GPR158: variants seen among roughly 807,000 people sequenced by gnomAD.
GPR158 encodes the protein metabotropic glycine receptor.
In GPR158, 30 loss-of-function variants were observed where a neutral mutation model predicts 78.2. The observed-to-expected ratio is 0.38, with a 90% confidence interval of 0.29 to 0.52. GPR158 has a LOEUF of 0.52. GPR158 is among the 20% of genes least tolerant of loss of function. The pLI, the probability that GPR158 is intolerant of heterozygous loss-of-function variation, is 0.83. For missense variants in GPR158, 1,463 were observed against 1,523.5 expected (o/e 0.96, Z 0.66); for synonymous variants, 581 against 591.1 (o/e 0.98, Z 0.25).
At chr10:25,390,846 C>T (rs1005464850) in intron 2 of GPR158, among the ~76,000 whole-genome samples, 1 of 152,198 alleles carries the variant, frequency 6.6e-6, no homozygotes, top group Non-Finnish European at 1.5e-5. Flanking sequence ...GTCTGTAGGG[C>T]ATGTCAGAGG....
intron 7 of GPR158, among the ~76,000 whole-genome samples, chr10:25,587,463 C>T (rs538391715): frequency 1.3e-5 from 2 of 152,246 alleles, no homozygotes; most frequent in African/African-American, 4.8e-5. Flanking sequence ...ATTAATACAT[C>T]TGAGAAATGA....
intron 5 of GPR158, among the ~76,000 whole-genome samples, chr10:25,509,861 G>GAC (rs1836060912): frequency 6.6e-6 from 1 of 152,122 alleles, no homozygotes; most frequent in Non-Finnish European, 1.5e-5. Context: ...CTATAAGTGT[G>GAC]TGCCACTGCA....
At chr10:25,240,456 C>T (rs58251578) in intron 2 of GPR158, among the ~76,000 whole-genome samples, 17,996 of 152,178 alleles carry the variant, frequency 0.12, 1,309 homozygotes, top group East Asian at 0.3. Context: ...TTGTAGTGAG[C>T]CTAGATCGTG....
chr10:25,510,308 A>C (rs1836068046), intron 5 of GPR158, among the ~76,000 whole-genome samples: 1 of 152,338 alleles, frequency 6.6e-6, no homozygotes, highest in South Asian at 2.1e-4. Context: ...AGTTCAAAGA[A>C]AAATAAAAAA....
intron 4 of GPR158, among the ~76,000 whole-genome samples, chr10:25,462,157 A>T (rs1234156383): frequency 6.6e-6 from 1 of 152,212 alleles, no homozygotes; most frequent in Non-Finnish European, 1.5e-5. Context: ...GCCAATGCTC[A>T]TTGACTGTTC....
chr10:25,459,797 T>G (rs926939679), intron 4 of GPR158, among the ~76,000 whole-genome samples: 5 of 152,180 alleles, frequency 3.3e-5, no homozygotes, highest in Non-Finnish European at 7.4e-5. Flanking sequence ...TTGACTTTGA[T>G]GTAATTTGAT....
At chr10:25,430,242 G>C (rs1354897953) in intron 4 of GPR158, among the ~76,000 whole-genome samples, 1 of 151,834 alleles carries the variant, frequency 6.6e-6, no homozygotes, top group Non-Finnish European at 1.5e-5. Context: ...GCCAAATCAT[G>C]AGTGAACTCC....
chr10:25,402,832 G>A (rs1347302482), intron 3 of GPR158, among the ~76,000 whole-genome samples: 2 of 151,796 alleles, frequency 1.3e-5, no homozygotes, highest in South Asian at 4.1e-4. Flanking sequence ...GCTTTGGTGG[G>A]TTAATTAGAT....
At chr10:25,436,590 T>C (rs910641463) in intron 4 of GPR158, among the ~76,000 whole-genome samples, 4 of 152,222 alleles carry the variant, frequency 2.6e-5, no homozygotes, top group African/African-American at 9.6e-5. Flanking sequence ...ATTGTCATGC[T>C]ACAGAATTTT....
At chr10:25,469,737 T>C (rs1835469990) in intron 5 of GPR158, among the ~76,000 whole-genome samples, 1 of 141,906 alleles carries the variant, frequency 7.0e-6, no homozygotes, top group Admixed American at 7.6e-5. Context: ...TGAGCCGAGA[T>C]TGTGCCACTG....
chr10:25,456,083 C>A (rs534137477), intron 4 of GPR158, among the ~76,000 whole-genome samples: 1 of 152,110 alleles, frequency 6.6e-6, no homozygotes, highest in Non-Finnish European at 1.5e-5. Context: ...ACCCTACAAC[C>A]CTTTATAGTC....
chr10:25,228,858 C>T (rs1049322907), intron 2 of GPR158, among the ~76,000 whole-genome samples: 1 of 151,600 alleles, frequency 6.6e-6, no homozygotes, highest in Non-Finnish European at 1.5e-5. Flanking sequence ...GGTGAAACCC[C>T]GTCTCTACTA....
At chr10:25,560,079 A>G (rs1836841721) in intron 6 of GPR158, among the ~76,000 whole-genome samples, 1 of 152,180 alleles carries the variant, frequency 6.6e-6, no homozygotes, top group South Asian at 2.1e-4. Context: ...TTCTACTTCA[A>G]TATTAATAAT....
intron 5 of GPR158, among the ~76,000 whole-genome samples, chr10:25,549,678 C>G (rs1836705066): frequency 6.6e-6 from 1 of 152,076 alleles, no homozygotes; most frequent in Admixed American, 6.6e-5. Flanking sequence ...TTAATTTCTC[C>G]TTAACACTTT....
chr10:25,554,763 G>C (rs1419306418), intron 6 of GPR158, among the ~76,000 whole-genome samples: 2 of 152,142 alleles, frequency 1.3e-5, no homozygotes, highest in Admixed American at 1.3e-4. Context: ...GGGTGAAGTG[G>C]CCTGTCCCTT....
chr10:25,504,541 C>T (rs1835985351), intron 5 of GPR158, among the ~76,000 whole-genome samples: 1 of 152,156 alleles, frequency 6.6e-6, no homozygotes, highest in South Asian at 2.1e-4. Flanking sequence ...TAAACAGTCA[C>T]CTTCACAGTC....
chr10:25,180,951 C>G (rs7075587), intron 1 of GPR158, among the ~76,000 whole-genome samples: 12,815 of 151,988 alleles, frequency 0.084, 1,592 homozygotes, highest in African/African-American at 0.27. Context: ...AACTAATGAA[C>G]ATTAGTGTCA....
intron 7 of GPR158, among the ~76,000 whole-genome samples, chr10:25,574,612 C>T (rs776147420): frequency 1.7e-4 from 26 of 152,200 alleles, no homozygotes; most frequent in Non-Finnish European, 3.1e-4. Flanking sequence ...AAGGTCTGGG[C>T]GTGGTGACTC....
At chr10:25,351,816 G>T (rs557455356) in intron 2 of GPR158, among the ~76,000 whole-genome samples, 1 of 151,122 alleles carries the variant, frequency 6.6e-6, no homozygotes, top group Admixed American at 6.6e-5. Flanking sequence ...TGTGTGCCAT[G>T]GTGGTTTGCT....
Sources: gnomAD v4.1 joint callset for allele counts (sites outside exome capture counted in the v4.1 genomes callset) on GRCh38, gnomAD v4.1.1 for gene constraint, MANE v1.5 for transcripts, NCBI Gene and HGNC (gene_info 2026-07-23, HGNC 2026-07-21) for gene names.